ZFP91: variants seen among roughly 807,000 people sequenced by gnomAD.
The protein encoded by ZFP91 is E3 ubiquitin-protein ligase ZFP91.
Under a neutral mutation model 63.5 loss-of-function variants are expected in ZFP91, and 7 were observed. The observed-to-expected ratio is 0.11, with a 90% CI of 0.06 to 0.21. ZFP91 has a LOEUF of 0.21. Among genes scored for constraint, ZFP91 ranks in the 10% least tolerant of loss-of-function variants. The pLI is 1.00. For synonymous variants in ZFP91, 330 were observed against 272.1 expected, an observed-to-expected ratio of 1.21 and a Z score of -2.10; for missense variants, 628 against 736.6, an observed-to-expected ratio of 0.85 and a Z score of 1.71.
chr11:58,579,347 C>T lies in ZFP91; in HGVS notation c.66C>T (p.Ala22=). 1 of 1,495,038 alleles carries T rather than the reference C, an allele frequency of 6.7e-7. No homozygotes were observed. The highest frequency in any genetic ancestry group is 2.3e-4 in the Middle Eastern group (1 of 4,366). The allele number at this position is 1,495,038 out of a possible 1,614,324, so 92.6% of individuals were successfully genotyped here. Residue 22 remains alanine, a synonymous_variant, in exon 1 of 11, where the codon GCC becomes GCT. Transcript: ENST00000316059. ...EQQDQEGGEA[A]KAAPEEPQQR... ...AGGACCAGGAAGGGGGAGAGGCGGC[C>T]AAGGCGGCTCCGGAGGAGCCCCAAC... is the stretch of plus-strand genomic sequence containing the variant.
Position 58,579,242 on chromosome 11 carries a change from C to T in ZFP91, c.-40C>T. 2 of 1,361,232 alleles carry T rather than the reference C, an allele frequency of 1.5e-6. No homozygotes were observed. Among genetic ancestry groups the T allele is most frequent in the South Asian group, 1.7e-5 (1 of 59,140 alleles). 84.3% of individuals were successfully genotyped at this position (1,361,232 alleles called of 1,614,324 possible). A position where few individuals can be genotyped will look rare whatever the true frequency, so the allele number is the denominator to read the frequency against. On this transcript the variant is annotated 5_prime_UTR_variant, in exon 1 of 11. Transcript: ENST00000316059. ...GCGCCGAGGCCGCCGCCTCCGCCTC[C>T]GCCGCCTAGGACTAGGGGGTGGGGG... is the stretch of plus-strand genomic sequence containing the variant.
At chr11:58,614,480 TGTA>T in intron 9 of ZFP91, 137 bp downstream of exon 9, 1 of 627,582 alleles carries the variant, frequency 1.6e-6, no homozygotes, top group Non-Finnish European at 2.5e-6. Context: ...GAAAATAAAA[TGTA>T]GTAAGACAAA....
intron 1 of ZFP91, 78 bp downstream of exon 1, chr11:58,579,700 C>T (rs2134382171): frequency 7.6e-7 from 1 of 1,316,790 alleles, no homozygotes; most frequent in Non-Finnish European, 1.0e-6. Flanking sequence ...GTAGCGCCTA[C>T]TCCACGTGAC....
chr11:58,587,251 C>CAA (rs930128158), intron 2 of ZFP91, among the ~76,000 whole-genome samples: 4 of 152,114 alleles, frequency 2.6e-5, no homozygotes, highest in Admixed American at 6.6e-5. Context: ...AGTGTTAATT[C>CAA]ATTCAACAGG....
chr11:58,584,954 A>G (rs1347751732), intron 2 of ZFP91, 70 bp downstream of exon 2: 14 of 1,240,778 alleles, frequency 1.1e-5, no homozygotes, highest in Non-Finnish European at 1.4e-5. Flanking sequence ...AGAAAGCCTC[A>G]TCATTCAAAT....
In ZFP91 at chr11:58,618,781, G is replaced by A; in HGVS notation, c.*1075G>A. ...CAGCACTAACAAAATCACTACAATA[G>A]CCTAGTGCTTTTTTGGAAGCCTTTT... On this transcript the variant is annotated 3_prime_UTR_variant, in exon 11 of 11. Coordinates refer to ENST00000316059, the MANE Select transcript of ZFP91 (RefSeq NM_053023.5). The A allele has an allele frequency of 2.3e-6, 1 of 436,186 alleles. No homozygotes were observed. Among genetic ancestry groups the A allele is most frequent in the Non-Finnish European group, 4.5e-6 (1 of 220,596 alleles). 27.0% of individuals were successfully genotyped at this position (436,186 alleles called of 1,614,324 possible). A position where few individuals can be genotyped will look rare whatever the true frequency, so the allele number is the denominator to read the frequency against.
intron 9 of ZFP91, 116 bp downstream of exon 9, chr11:58,614,459 G>A (rs948057805): frequency 2.2e-4 from 157 of 711,692 alleles, no homozygotes; most frequent in Admixed American, 2.9e-4. Flanking sequence ...TCAAGTGCGG[G>A]GAAAAGGTGT....
chr11:58,599,601 G>A (rs949696143), intron 2 of ZFP91, among the ~76,000 whole-genome samples: 3 of 151,884 alleles, frequency 2.0e-5, no homozygotes, highest in Admixed American at 1.3e-4. Flanking sequence ...CTGATGTTCC[G>A]TATCTTTTCA....
chr11:58,585,959 A>G (rs976007658), intron 2 of ZFP91, among the ~76,000 whole-genome samples: 3 of 151,332 alleles, frequency 2.0e-5, no homozygotes, highest in African/African-American at 7.3e-5. Flanking sequence ...CTAATATTTC[A>G]TAGTATAGCA....
chr11:58,604,816 G>T (rs192593813), intron 2 of ZFP91, among the ~76,000 whole-genome samples: 1 of 152,204 alleles, frequency 6.6e-6, no homozygotes, highest in Admixed American at 6.5e-5. Flanking sequence ...TTCCAGTGTG[G>T]CCCAGGGAAG....
At chr11:58,597,861 C>A (rs752420582) in intron 2 of ZFP91, among the ~76,000 whole-genome samples, 1 of 152,064 alleles carries the variant, frequency 6.6e-6, no homozygotes, top group Non-Finnish European at 1.5e-5. Context: ...CTTGTAATAC[C>A]GTGACTTTTC....
rs1179623281 is a variant in ZFP91 at position 58,612,796 on chromosome 11, A to G, written c.943A>G (p.Met315Val). The part of the protein sequence containing the change: ...KPPIQYVRCE[M>V]EGCGTVLAHP... ...TCCAATCCAGTATGTCCGTTGTGAG[A>G]TGGAAGGATGTGGAACTGTCCTTGC... is the stretch of plus-strand genomic sequence containing the variant. Residue 315 changes from methionine (M) to valine (V), a missense_variant, in exon 8 of 11, where the codon ATG becomes GTG. By Grantham distance (21) the Met-to-Val change is conservative. Coordinates refer to ENST00000316059, the MANE Select transcript of ZFP91 (RefSeq NM_053023.5). 2 of 1,612,104 alleles carry G rather than the reference A, an allele frequency of 1.2e-6. No homozygotes were observed. The highest frequency in any genetic ancestry group is 1.7e-6 in the Non-Finnish European group (2 of 1,179,328).
Position 58,617,538 on chromosome 11 carries a change from G to T in ZFP91, c.1545G>T (p.Met515Ile). 6.2e-7 allele frequency: 1 copy of T among 1,614,036 alleles called. No individual in the cohort carries two copies. Among genetic ancestry groups the T allele is most frequent in the Non-Finnish European group, 8.5e-7 (1 of 1,179,968 alleles). The part of the protein sequence containing the change: ...GECLLLEAEG[M>I]SKSYCSGTER... ...GCCTACTGTTAGAAGCTGAAGGGAT[G>T]TCAAAGTCATACTGCAGTGGGACGG... The change falls in exon 11 of 11, where the codon ATG (methionine) becomes ATT (isoleucine). Residue 515 changes from methionine (M) to isoleucine (I), a missense_variant. Met to Ile is a conservative substitution (Grantham distance 10). Around this residue, in one of 3 missense-constraint regions of ZFP91, gnomAD observed 115 missense variants for 125.4 expected, o/e 0.92. Transcript: ENST00000316059. The surrounding 1 kb of genome is among the most constrained non-coding windows in gnomAD (Gnocchi z 4.2).
At position 58,617,784 on chromosome 11, in the gene ZFP91, G is replaced by A; in HGVS notation, c.*78G>A. The A allele has an allele frequency of 4.9e-6, 7 of 1,434,234 alleles. No individual in the cohort carries two copies. Among genetic ancestry groups the A allele is most frequent in the Non-Finnish European group, 6.4e-6 (7 of 1,099,658 alleles). The allele number at this position is 1,434,234 out of a possible 1,614,324, so 88.8% of individuals were successfully genotyped here. A position where few individuals can be genotyped will look rare whatever the true frequency, so the allele number is the denominator to read the frequency against. ...AAAAAGGACAAAAAAAAAATCTAAA[G>A]CATTTAAAATCTAGTGAAATAACTG... On this transcript the variant is annotated 3_prime_UTR_variant, in exon 11 of 11. Coordinates refer to ENST00000316059, the MANE Select transcript of ZFP91 (RefSeq NM_053023.5). This position sits in a 1 kb window ranked among gnomAD's most constrained non-coding sequence, Gnocchi z 4.2.
chr11:58,609,856 G>A lies in ZFP91; in HGVS notation c.397G>A (p.Asp133Asn). The change falls in exon 3 of 11, where the codon GAC becomes AAC. Residue 133 changes from aspartate (D) to asparagine (N), a missense_variant. Around this residue, in one of 3 missense-constraint regions of ZFP91, gnomAD observed 437 missense variants for 380.3 expected, o/e 1.15. Transcript: ENST00000316059. ...KDPKEEKEEE[D>N]DSALPQEVSI... ...TCCCAAGGAAGAAAAAGAGGAAGAA[G>A]ACGATTCTGCCCTCCCTCAGGAAGT... is the stretch of plus-strand genomic sequence containing the variant. 2 of 1,614,168 alleles carry A rather than the reference G, an allele frequency of 1.2e-6. No individual in the cohort carries two copies. The highest frequency in any genetic ancestry group is 1.7e-6 in the Non-Finnish European group (2 of 1,180,010).
At chr11:58,613,061 G>T (rs1382156486) in intron 8 of ZFP91, among the ~76,000 whole-genome samples, 1 of 152,062 alleles carries the variant, frequency 6.6e-6, no homozygotes, top group African/African-American at 2.4e-5. Context: ...ACTGTTCAAG[G>T]TCATCACCAA....
At position 58,579,622 on chromosome 11, in the gene ZFP91, T is replaced by C. The variant is rs774307500; in HGVS notation, c.341T>C (p.Leu114Pro). Residue 114 changes from leucine to proline, a missense_variant and splice_region_variant, in exon 1 of 11, where the codon CTA (leucine) becomes CCA (proline). Physicochemically the swap from Leu to Pro is moderately conservative, Grantham distance 98 (BLOSUM62 -3). This residue lies in a region of ZFP91 where 437 missense variants were observed against 380.3 expected (regional missense o/e 1.15). Transcript: ENST00000316059. Reference protein sequence around the residue: ...PVQGKKSPRLLCIEKVTTDKD... With the variant: ...PVQGKKSPRLPCIEKVTTDKD... ...CAGGGCAAGAAGAGTCCGCGACTCC[T>C]GTGAGTAACAGTCTTTCAGGCGGTG... is the stretch of plus-strand genomic sequence containing the variant. The C allele has an allele frequency of 6.4e-7, 1 of 1,562,286 alleles. No individual in the cohort carries two copies. The highest frequency in any genetic ancestry group is 1.4e-5 in the African/African-American group (1 of 70,428).
chr11:58,614,125 C>G (rs972930167), intron 8 of ZFP91, 104 bp from the exon 9 acceptor site: 1 of 619,100 alleles, frequency 1.6e-6, no homozygotes, highest in African/African-American at 1.9e-5. Flanking sequence ...TGTGTGAAAT[C>G]TAAGTATTTG....
chr11:58,611,463 T>A (rs1055683862), intron 5 of ZFP91, 141 bp from the exon 6 acceptor site: 34 of 1,118,884 alleles, frequency 3.0e-5, no homozygotes, highest in Non-Finnish European at 4.3e-5. Flanking sequence ...CATGTGAGGA[T>A]GATTGGTAGG....
Sources: allele counts gnomAD v4.1 joint callset (sites outside exome capture counted in the v4.1 genomes callset), GRCh38; gene constraint gnomAD v4.1.1; regional missense constraint gnomAD v4.1.1; non-coding constraint Gnocchi (gnomAD v3.1); transcripts MANE v1.5; gene names NCBI Gene and HGNC (gene_info 2026-07-23, HGNC 2026-07-21).